The following SH3BGRL variants were observed in gnomAD, a reference collection of about 807,000 sequenced individuals.
SH3BGRL encodes SH3 domain binding glutamate rich protein like.
A neutral mutation model predicts 9.8 loss-of-function variants in SH3BGRL; 7 were observed. That is an observed-to-expected ratio of 0.72 (90% confidence interval 0.41 to 1.35). The LOEUF (loss-of-function observed/expected upper bound fraction) is 1.35. Among genes scored for constraint, SH3BGRL ranks in the 40% most tolerant of loss-of-function variants. The pLI, the probability that SH3BGRL is intolerant of heterozygous loss-of-function variation, is 0.01. For missense variants in SH3BGRL, 73 were observed against 84.4 expected, an observed-to-expected ratio of 0.86 and a Z score of 0.53; for synonymous variants, 36 against 29.1, an observed-to-expected ratio of 1.24 and a Z score of -0.76.
chrX:81,284,839 A>C (rs2075829438), intron 3 of SH3BGRL, among the ~76,000 whole-genome samples: 1 of 110,879 alleles, frequency 9.0e-6, no homozygotes, highest in African/African-American at 3.3e-5. Context: ...AAAAACAGCT[A>C]AGCAGGGCCC....
chrX:81,230,114 T>C (rs949548588), intron 1 of SH3BGRL, among the ~76,000 whole-genome samples: 1 of 111,903 alleles, frequency 8.9e-6, no homozygotes, highest in African/African-American at 3.3e-5. Flanking sequence ...CTATACATTA[T>C]AATACTACTC....
intron 1 of SH3BGRL, among the ~76,000 whole-genome samples, chrX:81,238,387 C>T (rs1446051649): frequency 8.9e-6 from 1 of 112,466 alleles, no homozygotes; most frequent in African/African-American, 3.2e-5. Flanking sequence ...TGGCAGTGGC[C>T]ACGGGGTGAG....
intron 1 of SH3BGRL, among the ~76,000 whole-genome samples, chrX:81,203,600 A>G (rs749040628): frequency 1.8e-5 from 2 of 112,060 alleles, no homozygotes; most frequent in Non-Finnish European, 1.9e-5. Flanking sequence ...ACTCAATCCA[A>G]TAATTGTAAA....
At chrX:81,218,370 G>A (rs966019839) in intron 1 of SH3BGRL, among the ~76,000 whole-genome samples, 2 of 109,795 alleles carry the variant, frequency 1.8e-5, no homozygotes, top group African/African-American at 6.6e-5. Flanking sequence ...TTCTATTTTG[G>A]TGTATTTCAA....
chrX:81,236,900 GGA>G (rs3051997), intron 1 of SH3BGRL, among the ~76,000 whole-genome samples: 17,498 of 97,000 alleles, frequency 0.18, 1,689 homozygotes, highest in East Asian at 0.71. Context: ...AGAGGCTGAG[GGA>G]GAGAGAGAGA....
chrX:81,294,230 C>T (rs781143326), intron 3 of SH3BGRL, among the ~76,000 whole-genome samples: 130 of 111,472 alleles, frequency 1.2e-3, no homozygotes, highest in Non-Finnish European at 2.0e-3. Flanking sequence ...GAAAAAGTCT[C>T]CAGGGCATGT....
At chrX:81,247,658 T>G (rs1335111497) in intron 1 of SH3BGRL, among the ~76,000 whole-genome samples, 1 of 111,645 alleles carries the variant, frequency 9.0e-6, no homozygotes, top group African/African-American at 3.3e-5. Context: ...AATGAAGTCC[T>G]GCTTGATTGT....
chrX:81,292,394 G>C (rs909404513), intron 3 of SH3BGRL, among the ~76,000 whole-genome samples: 1 of 111,634 alleles, frequency 9.0e-6, no homozygotes, highest in Non-Finnish European at 1.9e-5. Flanking sequence ...TGTAGCTGGA[G>C]TGGCTGGAAC....
At chrX:81,234,841 T>C (rs1441006947) in intron 1 of SH3BGRL, among the ~76,000 whole-genome samples, 1 of 112,053 alleles carries the variant, frequency 8.9e-6, no homozygotes, top group African/African-American at 3.2e-5. Flanking sequence ...ATTTTTGTGA[T>C]TGTGTCTTAG....
At chrX:81,237,394 A>G in intron 1 of SH3BGRL, 1 of 283,551 alleles carries the variant, frequency 3.5e-6, no homozygotes, top group Non-Finnish European at 6.7e-6. Flanking sequence ...CCCGACCAGC[A>G]GCAGTTGCAT....
At chrX:81,260,996 A>G (rs1351276636) in intron 1 of SH3BGRL, among the ~76,000 whole-genome samples, 2 of 106,311 alleles carry the variant, frequency 1.9e-5, no homozygotes, top group African/African-American at 6.5e-5. Flanking sequence ...AAGCAAAATC[A>G]CAGACTGGTA....
chrX:81,288,603 A>G (rs1447238541), intron 3 of SH3BGRL, among the ~76,000 whole-genome samples: 1 of 112,630 alleles, frequency 8.9e-6, no homozygotes, highest in Non-Finnish European at 1.9e-5. Context: ...AGGATGCAAA[A>G]TCAACATACA....
chrX:81,220,864 C>T (rs949413985), intron 1 of SH3BGRL, among the ~76,000 whole-genome samples: 2 of 110,786 alleles, frequency 1.8e-5, no homozygotes, highest in African/African-American at 6.5e-5. Context: ...TTAATTTCTT[C>T]GTTGACCCAC....
intron 3 of SH3BGRL, among the ~76,000 whole-genome samples, chrX:81,283,416 T>C (rs533660417): frequency 2.7e-5 from 3 of 111,584 alleles, no homozygotes; most frequent in African/African-American, 9.8e-5. Context: ...GCTAAAATCC[T>C]TAAGAGAATA....
intron 1 of SH3BGRL, among the ~76,000 whole-genome samples, chrX:81,232,324 CAA>C (rs1456069390): frequency 1.8e-5 from 2 of 109,567 alleles, no homozygotes; most frequent in Non-Finnish European, 3.8e-5. Context: ...GATGACTAAA[CAA>C]GATGAAGTTC....
chrX:81,279,218 A>G (rs188605759), intron 3 of SH3BGRL, among the ~76,000 whole-genome samples: 40 of 112,280 alleles, frequency 3.6e-4, no homozygotes, highest in African/African-American at 1.2e-3. Flanking sequence ...ATGTCATTGT[A>G]AAATGGTTTT....
intron 1 of SH3BGRL, among the ~76,000 whole-genome samples, chrX:81,203,838 G>T (rs2075537301): frequency 9.0e-6 from 1 of 111,375 alleles, no homozygotes; most frequent in Non-Finnish European, 1.9e-5. Flanking sequence ...AAGAGCCTTA[G>T]AAATGGCTGC....
chrX:81,205,028 T>G (rs2147662727), intron 1 of SH3BGRL, among the ~76,000 whole-genome samples: 1 of 112,418 alleles, frequency 8.9e-6, no homozygotes, highest in East Asian at 2.8e-4. Context: ...TTAGGGTAAT[T>G]AGGATATCCG....
At chrX:81,279,974 A>T (rs760254475) in intron 3 of SH3BGRL, among the ~76,000 whole-genome samples, 123 of 111,143 alleles carry the variant, frequency 1.1e-3, no homozygotes, top group Non-Finnish European at 2.1e-3. Flanking sequence ...CTGGAAACAG[A>T]CTCAGGGCTG....
Sources: gnomAD v4.1 joint callset for allele counts (sites outside exome capture counted in the v4.1 genomes callset) on GRCh38, gnomAD v4.1.1 for gene constraint, MANE v1.5 for transcripts, NCBI Gene and HGNC (gene_info 2026-07-23, HGNC 2026-07-21) for gene names.